The following RNF180 variants were observed in gnomAD, a reference collection of about 807,000 sequenced individuals.
The protein encoded by RNF180 is ring finger protein 180.
Under a neutral mutation model 59.2 loss-of-function variants are expected in RNF180, and 38 were observed. The observed-to-expected ratio is 0.64, with a 90% CI of 0.50 to 0.84. The LOEUF is 0.84. Among genes scored for constraint, RNF180 ranks in the 40% least tolerant of loss-of-function variants. The pLI is 0.00. For synonymous variants in RNF180, 262 were observed against 240.3 expected (o/e 1.09, Z -0.84); for missense variants, 705 against 700.9 (o/e 1.01, Z -0.07).
intron 7 of RNF180, among the ~76,000 whole-genome samples, chr5:64,363,269 T>C (rs148244472): frequency 5.3e-5 from 8 of 151,820 alleles, no homozygotes; most frequent in African/African-American, 1.4e-4. Flanking sequence ...TTGATTTTTA[T>C]ATATGGTGTA....
intron 5 of RNF180, among the ~76,000 whole-genome samples, chr5:64,313,230 T>C (rs577099542): frequency 6.6e-6 from 1 of 152,084 alleles, no homozygotes; most frequent in East Asian, 1.9e-4. Flanking sequence ...TCATGAGGTT[T>C]TGTTGTATAG....
chr5:64,205,719 TGA>T (rs1751981191), intron 2 of RNF180, among the ~76,000 whole-genome samples: 1 of 151,476 alleles, frequency 6.6e-6, no homozygotes, highest in Non-Finnish European at 1.5e-5. Flanking sequence ...ATGAATGGAG[TGA>T]GAGTTAAGTA....
At chr5:64,359,221 C>T (rs1442124110) in intron 7 of RNF180, among the ~76,000 whole-genome samples, 3 of 150,742 alleles carry the variant, frequency 2.0e-5, no homozygotes, top group Non-Finnish European at 4.4e-5. Flanking sequence ...CTGACTTCCA[C>T]AATGGTTGAA....
chr5:64,237,857 C>T (rs960789854), intron 5 of RNF180, among the ~76,000 whole-genome samples: 1 of 152,040 alleles, frequency 6.6e-6, no homozygotes, highest in African/African-American at 2.4e-5. Flanking sequence ...CCCACCAACC[C>T]CGCTTTCACT....
chr5:64,350,976 T>C lies in RNF180; in HGVS notation c.1580-18639T>C, dbSNP rs1261047298. Among the ~76,000 whole-genome samples the C allele has an allele frequency of 4.6e-5, 7 of 152,156 alleles. No homozygotes were observed. The South Asian group carries it at 8.3e-4, about 18-fold the overall frequency. Reference sequence around the variant, plus strand: ...CATTGGTAGCTTGATGGGGATGGCATTGAATCTATAAATTACCTTGGGCAG... The same window carrying C: ...CATTGGTAGCTTGATGGGGATGGCACTGAATCTATAAATTACCTTGGGCAG... On this transcript the variant is annotated intron_variant, in intron 7 of 7. Transcript: ENST00000389100.
In RNF180 at chr5:64,369,633, C is replaced by T; in HGVS notation, c.1598C>T (p.Ala533Val). The T allele has an allele frequency of 2.0e-6, 3 of 1,521,042 alleles. No homozygotes were observed. The highest frequency in any genetic ancestry group is 2.6e-6 in the Non-Finnish European group (3 of 1,136,746). 94.2% of individuals were successfully genotyped at this position (1,521,042 alleles called of 1,614,324 possible). A position where few individuals can be genotyped will look rare whatever the true frequency, so the allele number is the denominator to read the frequency against. Residue 533 changes from alanine (A) to valine (V), a missense_variant, in exon 8 of 8, where the codon GCT becomes GTT. Ala to Val is a moderately conservative substitution (Grantham distance 64). Coordinates refer to ENST00000389100, the MANE Select transcript of RNF180 (RefSeq NM_001113561.2). ...HLFGGFRRHA[A>V]PVTRRQFPHG... ...CTTCTAGGTTTCCGCAGACATGCAG[C>T]TCCAGTTACAAGAAGGCAGTTCCCA...
At chr5:64,271,868 A>G (rs1741425851) in intron 5 of RNF180, among the ~76,000 whole-genome samples, 1 of 151,994 alleles carries the variant, frequency 6.6e-6, no homozygotes, top group Non-Finnish European at 1.5e-5. Context: ...TTTCACACAC[A>G]TTCTCAGGAA....
intron 1 of RNF180, among the ~76,000 whole-genome samples, chr5:64,169,435 A>G (rs1322489508): frequency 6.6e-6 from 1 of 152,188 alleles, no homozygotes; most frequent in Non-Finnish European, 1.5e-5. Flanking sequence ...GAGAGAGATC[A>G]TTGACATTCA....
chr5:64,268,415 AAG>A (rs1561228778), intron 5 of RNF180, among the ~76,000 whole-genome samples: 1 of 152,114 alleles, frequency 6.6e-6, no homozygotes, highest in Non-Finnish European at 1.5e-5. Context: ...ATAAATGAAA[AAG>A]AGATACTTTT....
At chr5:64,178,549 T>C (rs1374355635) in intron 1 of RNF180, among the ~76,000 whole-genome samples, 1 of 152,226 alleles carries the variant, frequency 6.6e-6, no homozygotes. Flanking sequence ...TTTTTATTTC[T>C]TGAAAGGCAC....
intron 1 of RNF180, among the ~76,000 whole-genome samples, chr5:64,179,230 CA>C (rs1200745069): frequency 6.6e-6 from 1 of 152,030 alleles, no homozygotes; most frequent in African/African-American, 2.4e-5. Context: ...TAAAATATTT[CA>C]AATTTACGAT....
At chr5:64,306,315 C>T (rs1015545667) in intron 5 of RNF180, among the ~76,000 whole-genome samples, 1 of 151,520 alleles carries the variant, frequency 6.6e-6, no homozygotes, top group Non-Finnish European at 1.5e-5. Flanking sequence ...AGTGGGAAGG[C>T]AGGTTCCAAT....
chr5:64,251,759 A>C (rs1580114271), intron 5 of RNF180, among the ~76,000 whole-genome samples: 2 of 152,248 alleles, frequency 1.3e-5, no homozygotes, highest in African/African-American at 2.4e-5. Flanking sequence ...GTAACGATAC[A>C]GAATACAAAA....
intron 5 of RNF180, among the ~76,000 whole-genome samples, chr5:64,238,930 C>T (rs758193057): frequency 2.6e-5 from 4 of 152,048 alleles, no homozygotes; most frequent in Non-Finnish European, 4.4e-5. Flanking sequence ...AAGTTCTTAA[C>T]ATTCAATAAT....
At chr5:64,261,212 A>G (rs1224382600) in intron 5 of RNF180, among the ~76,000 whole-genome samples, 1 of 152,154 alleles carries the variant, frequency 6.6e-6, no homozygotes, top group Admixed American at 6.6e-5. Flanking sequence ...GTGACTCTTC[A>G]TTTGTCAGTT....
intron 7 of RNF180, among the ~76,000 whole-genome samples, chr5:64,346,702 C>T (rs1450169356): frequency 6.6e-6 from 1 of 151,982 alleles, no homozygotes; most frequent in Non-Finnish European, 1.5e-5. Flanking sequence ...ACGACCTTGA[C>T]TAAGTCCCAA....
In RNF180 at chr5:64,312,058, G is replaced by A. The variant is rs115509181; in HGVS notation, c.1228-13128G>A. 5.9e-3 allele frequency among the ~76,000 whole-genome samples: 890 copies of A among 152,064 alleles called. 5 individuals are homozygous for A. The highest frequency in any genetic ancestry group is 0.02 in the Middle Eastern group (6 of 294). ...GAGAGAATGAAGCTGCTAGGCATTA[G>A]GAGAAAATTGTCATCACAGATAGCA... is the stretch of plus-strand genomic sequence containing the variant. On this transcript the variant is annotated intron_variant, in intron 5 of 7. Coordinates refer to ENST00000389100, the MANE Select transcript of RNF180 (RefSeq NM_001113561.2).
chr5:64,187,547 G>A (rs190229576), intron 1 of RNF180, among the ~76,000 whole-genome samples: 8 of 152,234 alleles, frequency 5.3e-5, no homozygotes, highest in Admixed American at 2.6e-4. Context: ...TCTGTAATTC[G>A]TGTTGGACAG....
chr5:64,176,580 A>T (rs965008786), intron 1 of RNF180, among the ~76,000 whole-genome samples: 8 of 152,130 alleles, frequency 5.3e-5, no homozygotes, highest in African/African-American at 1.9e-4. Flanking sequence ...TGAGTTTCAT[A>T]AAAAAGCTGG....
Sources: allele counts gnomAD v4.1 joint callset (sites outside exome capture counted in the v4.1 genomes callset), GRCh38; gene constraint gnomAD v4.1.1; transcripts MANE v1.5; gene names NCBI Gene and HGNC (gene_info 2026-07-23, HGNC 2026-07-21).